The following TANC2 variants were observed in gnomAD, a reference collection of about 807,000 sequenced individuals.
The protein encoded by TANC2 is tetratricopeptide repeat, ankyrin repeat and coiled-coil containing 2.
A neutral mutation model predicts 210.5 loss-of-function variants in TANC2; 26 were observed. The ratio of observed to expected loss-of-function variants is 0.12; its 90% CI spans 0.09 to 0.17. TANC2 has a LOEUF of 0.17. Among genes scored for constraint, TANC2 ranks in the 10% least tolerant of loss-of-function variants. The pLI is 1.00. For missense variants in TANC2, 2,129 were observed against 2,608.9 expected, an observed-to-expected ratio of 0.82 and a Z score of 4.01; for synonymous variants, 931 against 967.1, an observed-to-expected ratio of 0.96 and a Z score of 0.69.
intron 12 of TANC2, among the ~76,000 whole-genome samples, chr17:63,346,008 G>A (rs899146897): frequency 1.3e-5 from 2 of 152,146 alleles, no homozygotes; most frequent in African/African-American, 4.8e-5. Flanking sequence ...TCTTCTCTAA[G>A]ATGCCAAGGC....
chr17:63,271,960 C>T (rs1567871094), intron 9 of TANC2, among the ~76,000 whole-genome samples: 1 of 151,996 alleles, frequency 6.6e-6, no homozygotes, highest in Non-Finnish European at 1.5e-5. Flanking sequence ...TTAATTGGAT[C>T]CTGTTTGTCA....
At chr17:63,135,358 T>C (rs901833497) in intron 4 of TANC2, among the ~76,000 whole-genome samples, 1 of 152,208 alleles carries the variant, frequency 6.6e-6, no homozygotes, top group African/African-American at 2.4e-5. Flanking sequence ...GAGATATTTA[T>C]TGAGAAGGTG....
At chr17:63,161,879 C>G (rs902439091) in intron 5 of TANC2, among the ~76,000 whole-genome samples, 6 of 152,114 alleles carry the variant, frequency 3.9e-5, no homozygotes, top group Non-Finnish European at 5.9e-5. Flanking sequence ...CTACCCTGTT[C>G]CCTTGCCTTT....
intron 14 of TANC2, among the ~76,000 whole-genome samples, chr17:63,370,533 A>G (rs570515119): frequency 1.3e-5 from 2 of 152,162 alleles, no homozygotes; most frequent in East Asian, 1.9e-4. Flanking sequence ...TCTGTTAGCA[A>G]TCCCTCATAA....
intron 2 of TANC2, among the ~76,000 whole-genome samples, chr17:63,032,700 A>T (rs1161391618): frequency 6.6e-6 from 1 of 152,162 alleles, no homozygotes; most frequent in African/African-American, 2.4e-5. Flanking sequence ...AGTGCTATAT[A>T]TCAGATCACT....
chr17:63,361,515 A>G (rs1237832048), intron 14 of TANC2, among the ~76,000 whole-genome samples: 2 of 152,214 alleles, frequency 1.3e-5, no homozygotes, highest in African/African-American at 4.8e-5. Context: ...AACATATTGC[A>G]CGCAGCTTCC....
chr17:63,074,708 A>G lies in TANC2; in HGVS notation c.139+694A>G, dbSNP rs116908079. 7.2e-5 allele frequency among the ~76,000 whole-genome samples: 11 copies of G among 152,296 alleles called. No homozygotes were observed. The East Asian group carries it at 2.1e-3, about 29-fold the overall frequency. On this transcript the variant is annotated intron_variant, in intron 3 of 27. Transcript: ENST00000689528. ...ATTTTTATGCTTTGTTCACTGCTGT[A>G]TCCTTATGTGCCAATAATAAGTACA...
chr17:63,415,304 C>G (rs1232703626), intron 25 of TANC2, among the ~76,000 whole-genome samples: 1 of 152,252 alleles, frequency 6.6e-6, no homozygotes, highest in Non-Finnish European at 1.5e-5. Context: ...TGGCTTGTAT[C>G]TTGGGTATCC....
At chr17:63,245,713 G>A (rs1348756831) in intron 8 of TANC2, among the ~76,000 whole-genome samples, 2 of 151,882 alleles carry the variant, frequency 1.3e-5, no homozygotes, top group African/African-American at 4.8e-5. Context: ...GTGGTGGCAG[G>A]GGCCTGTAAT....
At chr17:63,311,992 G>T (rs911215348) in intron 9 of TANC2, among the ~76,000 whole-genome samples, 1 of 152,146 alleles carries the variant, frequency 6.6e-6, no homozygotes, top group Non-Finnish European at 1.5e-5. Flanking sequence ...GGTGATGAAG[G>T]TATTCGGGAA....
chr17:63,098,509 CTG>C lies in TANC2; in HGVS notation c.140-660_140-659del, dbSNP rs1297888437. Among the ~76,000 whole-genome samples, 93 of 66,582 alleles carry C rather than the reference CTG, an allele frequency of 1.4e-3. 2 individuals carry two copies. Among genetic ancestry groups the C allele is most frequent in the Non-Finnish European group, 1.8e-3 (65 of 35,302 alleles). The allele number at this position is 66,582 out of a possible 152,430, so 43.7% of individuals were successfully genotyped here. On this transcript the variant is annotated intron_variant, in intron 3 of 27. Coordinates refer to ENST00000689528, the Ensembl canonical transcript of TANC2. ...ACTCTCTCTCTCTCTCTCTCTCTCT[CTG>C]TGTGTATATATATATATATATATGT... is the stretch of plus-strand genomic sequence containing the variant.
chr17:63,180,678 A>G (rs1176876519), intron 5 of TANC2, among the ~76,000 whole-genome samples: 1 of 152,128 alleles, frequency 6.6e-6, no homozygotes, highest in Non-Finnish European at 1.5e-5. Flanking sequence ...CTTTCAGAAA[A>G]TATTTCTTGA....
Position 63,395,850 on chromosome 17 carries a change from C to T in TANC2, c.3159C>T (p.Gly1053=). 8 of 1,611,876 alleles carry T rather than the reference C, an allele frequency of 5.0e-6. No individual in the cohort carries two copies. The South Asian group carries it at 8.8e-5, about 18-fold the overall frequency. ...TTCAGTGTGACTGGACGATGGCCGG[C>T]CAGCAGCAAGGAGTATTTAAGAAGA... Residue 1053 remains glycine (G), a synonymous_variant, in exon 18 of 28, where the codon GGC becomes GGT. Coordinates refer to ENST00000689528, the Ensembl canonical transcript of TANC2.
intron 17 of TANC2, 111 bp downstream of exon 17, chr17:63,389,655 A>C: frequency 9.4e-7 from 1 of 1,065,700 alleles, no homozygotes; most frequent in Non-Finnish European, 1.4e-6. Context: ...ATATCAAACC[A>C]TGATGGAGAG....
chr17:63,141,934 G>A (rs1335277113), intron 4 of TANC2, among the ~76,000 whole-genome samples: 3 of 152,226 alleles, frequency 2.0e-5, no homozygotes, highest in Non-Finnish European at 2.9e-5. Flanking sequence ...TTTTTTACTT[G>A]ATAAACATTA....
At chr17:63,049,834 T>G (rs1039423649) in intron 2 of TANC2, among the ~76,000 whole-genome samples, 3 of 151,442 alleles carry the variant, frequency 2.0e-5, no homozygotes, top group African/African-American at 7.3e-5. Context: ...TAGCAGAGGG[T>G]GAGAAGTAGT....
chr17:63,037,346 G>A (rs1325837233), intron 2 of TANC2, among the ~76,000 whole-genome samples: 1 of 151,992 alleles, frequency 6.6e-6, no homozygotes, highest in African/African-American at 2.4e-5. Context: ...AGTATGGGGT[G>A]TAATTTAAAA....
At chr17:63,191,960 A>G (rs2041200579) in intron 5 of TANC2, among the ~76,000 whole-genome samples, 1 of 152,144 alleles carries the variant, frequency 6.6e-6, no homozygotes, top group South Asian at 2.1e-4. Flanking sequence ...AGCCGTTGAT[A>G]ATCTAAGACT....
At chr17:63,314,397 C>T (rs760032068) in exon 10 of TANC2, 52 of 1,613,644 alleles carry the variant, frequency 3.2e-5, no homozygotes, top group Non-Finnish European at 4.2e-5. Flanking sequence ...GTTCGCTTTG[C>T]ACCTTATAGG....
Sources: allele counts gnomAD v4.1 joint callset (sites outside exome capture counted in the v4.1 genomes callset), GRCh38; gene constraint gnomAD v4.1.1; transcripts MANE v1.5; gene names NCBI Gene and HGNC (gene_info 2026-07-23, HGNC 2026-07-21).